The following SDK2 variants were observed in gnomAD, a reference collection of about 807,000 sequenced individuals.
SDK2 encodes sidekick cell adhesion molecule 2.
SDK2 carries 105 observed loss-of-function variants against 253.9 expected under a neutral mutation model. The observed-to-expected ratio is 0.41, with a 90% CI of 0.35 to 0.49. The LOEUF is 0.49. Among genes scored for constraint, SDK2 ranks in the 20% least tolerant of loss-of-function variants. The pLI is 0.06. For synonymous variants in SDK2, 1,249 were observed against 1,234.9 expected, an observed-to-expected ratio of 1.01 and a Z score of -0.24; for missense variants, 2,608 against 3,003.0, an observed-to-expected ratio of 0.87 and a Z score of 3.07.
intron 1 of SDK2, chr17:73,513,890 A>G (rs139220641): frequency 6.6e-6 from 1 of 152,342 alleles, no homozygotes; most frequent in African/African-American, 2.4e-5. Flanking sequence ...TTCAAGTATA[A>G]AAATCAATTT....
intron 13 of SDK2, 53 bp from the exon 14 acceptor site, chr17:73,423,575 CG>C: frequency 6.8e-7 from 1 of 1,461,620 alleles, no homozygotes; most frequent in Non-Finnish European, 9.1e-7. Flanking sequence ...AGGCAGGTGA[CG>C]GGGGCGCTGT....
intron 9 of SDK2, 93 bp from the exon 10 acceptor site, chr17:73,433,941 G>A (rs1348500610): frequency 1.3e-6 from 1 of 791,932 alleles, no homozygotes; most frequent in Non-Finnish European, 2.0e-6. Context: ...CGAGGGCCAG[G>A]CCCTCATCCT....
At chr17:73,494,909 C>T (rs1328031250) in intron 2 of SDK2, among the ~76,000 whole-genome samples, 1 of 152,234 alleles carries the variant, frequency 6.6e-6, no homozygotes, top group Non-Finnish European at 1.5e-5. Flanking sequence ...CACCCCATGT[C>T]CTCTGGCACC....
rs139637785 is a variant in SDK2 at position 73,476,004 on chromosome 17, C to A, written c.225-3786G>T. On this transcript the variant is annotated intron_variant, in intron 2 of 44. Transcript: ENST00000392650. ...GCACACGCCTGTAGTCCCAGCTATT[C>A]GGGAGGCTGAGGCAGGAGAATCGCT... 3.9e-3 allele frequency among the ~76,000 whole-genome samples: 590 copies of A among 151,390 alleles called. 2 individuals carry two copies. The highest frequency in any genetic ancestry group is 0.014 in the African/African-American group (562 of 41,152).
chr17:73,565,120 T>C (rs1455656449), intron 1 of SDK2, among the ~76,000 whole-genome samples: 1 of 152,186 alleles, frequency 6.6e-6, no homozygotes, highest in African/African-American at 2.4e-5. Flanking sequence ...GAAAATCCAG[T>C]CTTACTGGCT....
At chr17:73,635,678 G>T (rs2143283483) in intron 1 of SDK2, among the ~76,000 whole-genome samples, 1 of 152,274 alleles carries the variant, frequency 6.6e-6, no homozygotes, top group East Asian at 1.9e-4. Flanking sequence ...GTCACTAATA[G>T]CTTCCTACAT....
chr17:73,395,672 C>A lies in SDK2; in HGVS notation c.3355-280G>T, dbSNP rs931638134. 6.6e-6 allele frequency among the ~76,000 whole-genome samples: 1 copy of A among 152,232 alleles called. No individual in the cohort carries two copies. Among genetic ancestry groups the A allele is most frequent in the African/African-American group, 2.4e-5 (1 of 41,468 alleles). On this transcript the variant is annotated intron_variant, in intron 24 of 44. Coordinates refer to ENST00000392650, the MANE Select transcript of SDK2 (RefSeq NM_001144952.2). This position sits in a 1 kb window ranked among gnomAD's most constrained non-coding sequence, Gnocchi z 4.3. ...ATTACCCTGCCAAGGGAGTCAGGAG[C>A]CACAAAGGCTGTGTGTCTGACACAC...
At position 73,422,306 on chromosome 17, in the gene SDK2, A is replaced by G. The variant is rs576951938; in HGVS notation, c.2026T>C (p.Phe676Leu). Residue 676 changes from phenylalanine (F) to leucine (L), a missense_variant, in exon 15 of 45, where the codon TTC becomes CTC. Phe to Leu is a conservative substitution (Grantham distance 22, BLOSUM62 0). Around this residue, in one of 2 missense-constraint regions of SDK2, gnomAD observed 1,505 missense variants for 1,859.1 expected, o/e 0.81. Transcript: ENST00000392650. ...CAVNDVGKGQ[F>L]SKDTERVSLP... is the part of the protein sequence containing the mutation. ...CCTCACCTCTCGGTGTCTTTGCTGAACTGTCCTTTCCCCACGTCGTTGACG... is the reference window on the plus strand; with the variant it reads ...CCTCACCTCTCGGTGTCTTTGCTGAGCTGTCCTTTCCCCACGTCGTTGACG... The G allele has an allele frequency of 3.7e-6, 6 of 1,613,736 alleles. No individual in the cohort carries two copies. In the Admixed American group the frequency reaches 5.0e-5, roughly 13 times the overall value.
At chr17:73,576,429 G>C (rs2045459882) in intron 1 of SDK2, among the ~76,000 whole-genome samples, 1 of 152,154 alleles carries the variant, frequency 6.6e-6, no homozygotes, top group Non-Finnish European at 1.5e-5. Context: ...GGATATGAAG[G>C]GCATGTCATT....
intron 2 of SDK2, among the ~76,000 whole-genome samples, chr17:73,505,350 G>A (rs1160157473): frequency 6.6e-6 from 1 of 152,136 alleles, no homozygotes; most frequent in East Asian, 1.9e-4. Context: ...TAAAATGGGG[G>A]GAAATAACTG....
At chr17:73,508,528 G>A (rs2063953017) in intron 1 of SDK2, among the ~76,000 whole-genome samples, 2 of 152,210 alleles carry the variant, frequency 1.3e-5, no homozygotes, top group African/African-American at 2.4e-5. Context: ...GGGTGGGGCC[G>A]GGCGGCAGGA....
In SDK2 at chr17:73,379,278, G is replaced by T. The variant is rs1406827877; in HGVS notation, c.4879C>A (p.Pro1627Thr). The T allele has an allele frequency of 1.6e-5, 25 of 1,554,800 alleles. No individual in the cohort carries two copies. The highest frequency in any genetic ancestry group is 2.2e-5 in the Non-Finnish European group (25 of 1,148,704). Residue 1627 changes from proline to threonine, a missense_variant, in exon 36 of 45, where the codon CCT becomes ACT. By Grantham distance (38) the Pro-to-Thr change is conservative. Around this residue, in one of 2 missense-constraint regions of SDK2, gnomAD observed 1,103 missense variants for 1,143.9 expected, o/e 0.96. Transcript: ENST00000392650. The surrounding 1 kb of genome is among the most constrained non-coding windows in gnomAD (Gnocchi z 4.5). ...GCGCCGTGGACGACCACGTTACGAG[G>T]TGCTGCTGTGGGCACTGGAGGGCGT... ...FVGEAVPTAAPRNVVVHGATA... is the reference protein window; with the variant it reads ...FVGEAVPTAATRNVVVHGATA...
intron 1 of SDK2, among the ~76,000 whole-genome samples, chr17:73,582,308 T>G (rs1055294443): frequency 6.8e-6 from 1 of 148,074 alleles, no homozygotes; most frequent in African/African-American, 2.6e-5. Context: ...CATCAGCATT[T>G]GGGGGCGCAC....
At chr17:73,413,248 G>C (rs9302963) in intron 18 of SDK2, among the ~76,000 whole-genome samples, 1 of 151,668 alleles carries the variant, frequency 6.6e-6, no homozygotes, top group Non-Finnish European at 1.5e-5. Flanking sequence ...TCTAGGTTGC[G>C]TACTCCTTAT....
At chr17:73,424,985 C>T (rs1446061788) in intron 12 of SDK2, among the ~76,000 whole-genome samples, 3 of 152,192 alleles carry the variant, frequency 2.0e-5, no homozygotes, top group Admixed American at 1.3e-4. Flanking sequence ...TTTGGGAGGC[C>T]GAGGTGGGTG....
rs1315327407 is a variant in SDK2 at position 73,639,384 on chromosome 17, C to T, written c.64+4641G>A. On this transcript the variant is annotated intron_variant, in intron 1 of 44. Transcript: ENST00000392650. The surrounding 1 kb of genome is among the most constrained non-coding windows in gnomAD (Gnocchi z 4.3). ...TGCTGAGCATCCCTGCTCAACGCTG[C>T]TCACTGGCTCTGCCTCCTGCCCAGC... 1.3e-5 allele frequency among the ~76,000 whole-genome samples: 2 copies of T among 152,196 alleles called. No individual in the cohort carries two copies. Among genetic ancestry groups the T allele is most frequent in the Non-Finnish European group, 2.9e-5 (2 of 68,034 alleles).
chr17:73,355,175 T>TATATATATATATATATA (rs1555750470), intron 40 of SDK2, among the ~76,000 whole-genome samples: 11 of 15,690 alleles, frequency 7.0e-4, no homozygotes, highest in African/African-American at 1.3e-3. Flanking sequence ...TATATATATA[T>TATATATATATATATATA]TTTTTTTTTT....
intron 1 of SDK2, among the ~76,000 whole-genome samples, chr17:73,542,585 C>T (rs2044886206): frequency 6.6e-6 from 1 of 152,180 alleles, no homozygotes; most frequent in Non-Finnish European, 1.5e-5. Flanking sequence ...CAGGCTGGGC[C>T]TCCGTCCCCT....
chr17:73,427,975 A>T (rs2063296428), intron 12 of SDK2, among the ~76,000 whole-genome samples: 1 of 152,254 alleles, frequency 6.6e-6, no homozygotes, highest in Non-Finnish European at 1.5e-5. Context: ...GCTATCCAAA[A>T]TCTACAAAGA....
Sources: allele counts gnomAD v4.1 joint callset (sites outside exome capture counted in the v4.1 genomes callset), GRCh38; gene constraint gnomAD v4.1.1; regional missense constraint gnomAD v4.1.1; non-coding constraint Gnocchi (gnomAD v3.1); transcripts MANE v1.5; gene names NCBI Gene and HGNC (gene_info 2026-07-23, HGNC 2026-07-21).